The following PLD5 variants were observed in gnomAD, a reference collection of about 807,000 sequenced individuals.
PLD5 encodes inactive phospholipase D5.
In PLD5, 36 loss-of-function variants were observed where a neutral mutation model predicts 61.1. The ratio of observed to expected loss-of-function variants is 0.59; its 90% confidence interval spans 0.45 to 0.78. PLD5 has a LOEUF of 0.78. Among genes scored for constraint, PLD5 ranks in the 30% least tolerant of loss-of-function variants. The pLI is 0.00. For missense variants in PLD5, 515 were observed against 644.4 expected, an observed-to-expected ratio of 0.80 and a Z score of 2.17; for synonymous variants, 243 against 242.8, an observed-to-expected ratio of 1.00 and a Z score of -0.01.
chr1:242,327,023 G>A (rs185070529), intron 2 of PLD5, among the ~76,000 whole-genome samples: 249 of 152,186 alleles, frequency 1.6e-3, no homozygotes, highest in Non-Finnish European at 2.7e-3. Context: ...ACACCAGCAT[G>A]CCTGGCTAAT....
intron 2 of PLD5, among the ~76,000 whole-genome samples, chr1:242,308,793 C>T (rs4123230): frequency 0.2 from 30,085 of 152,018 alleles, 3,521 homozygotes; most frequent in East Asian, 0.39. Flanking sequence ...TAAAGGGAAA[C>T]AGTAATAGCC....
intron 1 of PLD5, among the ~76,000 whole-genome samples, chr1:242,433,888 G>A (rs549734048): frequency 3.3e-5 from 5 of 152,306 alleles, no homozygotes; most frequent in African/African-American, 7.2e-5. Context: ...CTACTGAGGA[G>A]CAGGAGGTCA....
intron 4 of PLD5, among the ~76,000 whole-genome samples, chr1:242,244,323 T>C (rs1672235770): frequency 6.6e-6 from 1 of 152,144 alleles, no homozygotes; most frequent in Admixed American, 6.5e-5. Context: ...GAAGAGGTGA[T>C]CCAGGAAGAC....
At chr1:242,271,147 G>A (rs1674041170) in intron 3 of PLD5, among the ~76,000 whole-genome samples, 1 of 146,236 alleles carries the variant, frequency 6.8e-6, no homozygotes, top group African/African-American at 2.5e-5. Context: ...AATATCAAAT[G>A]CAAGAAATAT....
chr1:242,122,402 T>C (rs6679053), intron 6 of PLD5, among the ~76,000 whole-genome samples: 32,079 of 152,150 alleles, frequency 0.21, 3,528 homozygotes, highest in Non-Finnish European at 0.23. Context: ...TATTCAAAAT[T>C]TGTTCATTAA....
chr1:242,107,818 A>G lies in PLD5; in HGVS notation c.1092T>C (p.Asp364=). 2 of 1,602,234 alleles carry G rather than the reference A, an allele frequency of 1.2e-6. No homozygotes were observed. The highest frequency in any genetic ancestry group is 1.7e-6 in the Non-Finnish European group (2 of 1,176,900). The change falls in exon 8 of 10, where the codon GAT becomes GAC. Residue 364 remains aspartate (D), a synonymous_variant. Transcript: ENST00000536534. ...AAACTAATGCTTCTCTTATTTTTGC[A>G]TCCAAGTCTGGCCAGTAAGTCCTGC... ...STKRTYWPDL[D]AKIREALVLR...
chr1:242,226,253 T>C (rs1484409846), intron 4 of PLD5, among the ~76,000 whole-genome samples: 3 of 152,174 alleles, frequency 2.0e-5, no homozygotes, highest in Non-Finnish European at 2.9e-5. Context: ...CCCTGACCCA[T>C]TGCCCAGAGA....
chr1:242,414,063 GC>G (rs1233346642), intron 1 of PLD5, among the ~76,000 whole-genome samples: 5 of 152,114 alleles, frequency 3.3e-5, no homozygotes, highest in Non-Finnish European at 7.3e-5. Context: ...CAAGTGAAAC[GC>G]TATTAAAATG....
At chr1:242,142,742 C>G (rs958338298) in intron 5 of PLD5, among the ~76,000 whole-genome samples, 1 of 150,736 alleles carries the variant, frequency 6.6e-6, no homozygotes, top group Admixed American at 6.6e-5. Flanking sequence ...CTCTCTCTCT[C>G]TCTGTCTCTA....
intron 1 of PLD5, among the ~76,000 whole-genome samples, chr1:242,419,313 A>C (rs1186597220): frequency 1.3e-5 from 2 of 151,878 alleles, no homozygotes; most frequent in Non-Finnish European, 2.9e-5. Flanking sequence ...GACTCGTCGC[A>C]TGACTTGTAG....
At chr1:242,302,170 T>G (rs1050760451) in intron 2 of PLD5, among the ~76,000 whole-genome samples, 1 of 152,214 alleles carries the variant, frequency 6.6e-6, no homozygotes, top group South Asian at 2.1e-4. Context: ...GACAGTAACA[T>G]GCTGTGCAGG....
chr1:242,370,308 T>C (rs1661560794), intron 1 of PLD5, among the ~76,000 whole-genome samples: 1 of 152,198 alleles, frequency 6.6e-6, no homozygotes, highest in African/African-American at 2.4e-5. Context: ...TAAAATACTC[T>C]GTGGGCATCT....
chr1:242,257,349 G>T lies in PLD5; in HGVS notation c.607+7988C>A, dbSNP rs150368732. Reference sequence around the variant, plus strand: ...GGTCTGTGTGCAGGAGAGAAGGGAGGGGGAAGAAAATACATGTTTGATTCC... The same window carrying T: ...GGTCTGTGTGCAGGAGAGAAGGGAGTGGGAAGAAAATACATGTTTGATTCC... On this transcript the variant is annotated intron_variant, in intron 4 of 9. Transcript: ENST00000536534. Among the ~76,000 whole-genome samples the T allele has an allele frequency of 2.7e-3, 406 of 152,214 alleles. 2 individuals are homozygous for T. The highest frequency in any genetic ancestry group is 0.02 in the East Asian group (102 of 5,174).
intron 5 of PLD5, among the ~76,000 whole-genome samples, chr1:242,156,855 A>G (rs561376869): frequency 6.6e-6 from 1 of 152,114 alleles, no homozygotes; most frequent in South Asian, 2.1e-4. Context: ...CTTGAGGAGT[A>G]TCTTTGTGGT....
intron 2 of PLD5, among the ~76,000 whole-genome samples, chr1:242,292,249 A>T (rs1014768101): frequency 1.3e-5 from 2 of 152,154 alleles, no homozygotes; most frequent in East Asian, 1.9e-4. Context: ...GGATATATTT[A>T]AAAAAACAAT....
intron 5 of PLD5, among the ~76,000 whole-genome samples, chr1:242,163,921 G>A (rs1264612119): frequency 1.5e-5 from 2 of 134,676 alleles, no homozygotes; most frequent in African/African-American, 2.8e-5. Flanking sequence ...ATGTGTGTGT[G>A]TGTATATATA....
rs144995824 is a variant in PLD5, at chr1:242,293,543, A to G, written c.327-5013T>C. 4.3e-3 allele frequency among the ~76,000 whole-genome samples: 652 copies of G among 152,356 alleles called. 3 individuals are homozygous for G. Among genetic ancestry groups the G allele is most frequent in the Non-Finnish European group, 7.5e-3 (510 of 68,012 alleles). On this transcript the variant is annotated intron_variant, in intron 2 of 9. Transcript: ENST00000536534. The stretch of plus-strand genomic sequence containing the variant: ...CACAGGTAGATATGAATAGGAAAAA[A>G]TATAGTACCTTGTAGAGTTCCATAG...
In PLD5 at chr1:242,246,974, C is replaced by CT. The variant is rs74466537; in HGVS notation, c.607+18362dup. Among the ~76,000 whole-genome samples, 284 of 135,830 alleles carry CT rather than the reference C, an allele frequency of 2.1e-3. 3 individuals carry two copies. Among genetic ancestry groups the CT allele is most frequent in the African/African-American group, 7.4e-3 (267 of 36,158 alleles). 89.1% of individuals were successfully genotyped at this position (135,830 alleles called of 152,430 possible). ...GAGTCATAGGTGGGTTTTAGGGATT[C>CT]TTTTTTTTTTTTTTTTTTTTTTTTT... On this transcript the variant is annotated intron_variant, in intron 4 of 9. Coordinates refer to ENST00000536534, the MANE Select transcript of PLD5 (RefSeq NM_001372062.1).
intron 5 of PLD5, among the ~76,000 whole-genome samples, chr1:242,153,231 T>C (rs1321484929): frequency 2.0e-5 from 3 of 152,182 alleles, no homozygotes; most frequent in Non-Finnish European, 1.5e-5. Flanking sequence ...TGGAAATTCT[T>C]TGTAGATTCT....
Sources: allele counts gnomAD v4.1 joint callset (sites outside exome capture counted in the v4.1 genomes callset), GRCh38; gene constraint gnomAD v4.1.1; transcripts MANE v1.5; gene names NCBI Gene and HGNC (gene_info 2026-07-23, HGNC 2026-07-21).